C10orf71: variants seen among roughly 807,000 people sequenced by gnomAD.
C10orf71 encodes the protein cardiac-enriched FHL2-interacting protein.
For missense variants in C10orf71, 1,869 were observed against 1,804.5 expected, an observed-to-expected ratio of 1.04 and a Z score of -0.65; for synonymous variants, 758 against 726.3, an observed-to-expected ratio of 1.04 and a Z score of -0.70.
At position 49,324,357 on chromosome 10, in the gene C10orf71, C is replaced by T. The variant is rs1849171887; in HGVS notation, c.1812C>T (p.Val604=). The T allele has an allele frequency of 1.2e-6, 2 of 1,613,806 alleles. No homozygotes were observed. The highest frequency in any genetic ancestry group is 2.7e-5 in the African/African-American group (2 of 75,028). The change falls in exon 3 of 3, where the codon GTC becomes GTT. Residue 604 remains valine (V), a synonymous_variant. Transcript: ENST00000374144. The stretch of plus-strand genomic sequence containing the variant: ...CTATCGCCAAAGCCCCCTTCTATGT[C>T]AATGGGGAGGCTGCTGAGAGAAGCA... ...APTIAKAPFY[V]NGEAAERSSY... is the part of the protein sequence containing the mutation.
chr10:49,310,115 C>T (rs773407320), intron 1 of C10orf71, among the ~76,000 whole-genome samples: 22 of 152,158 alleles, frequency 1.4e-4, no homozygotes, highest in Non-Finnish European at 2.4e-4. Context: ...CAGGGGTGCA[C>T]CTTGGGCCTG....
At position 49,327,180 on chromosome 10, in the gene C10orf71, T is replaced by G; in HGVS notation, c.*327T>G. The G allele has an allele frequency of 1.5e-6, 1 of 651,530 alleles. No homozygotes were observed. Among genetic ancestry groups the G allele is most frequent in the Non-Finnish European group, 2.3e-6 (1 of 430,304 alleles). The allele number at this position is 651,530 out of a possible 1,614,324, so 40.4% of individuals were successfully genotyped here. A position where few individuals can be genotyped will look rare whatever the true frequency, so the allele number is the denominator to read the frequency against. On this transcript the variant is annotated 3_prime_UTR_variant, in exon 3 of 3. Transcript: ENST00000374144. Reference sequence around the variant, plus strand: ...TCTCCTGGCCCACCCTGCTCTTCCCTCGCCCTGCAAATTAGGTGGGTGTGG... The same window carrying G: ...TCTCCTGGCCCACCCTGCTCTTCCCGCGCCCTGCAAATTAGGTGGGTGTGG...
chr10:49,315,786 C>T (rs1446696546), intron 1 of C10orf71, among the ~76,000 whole-genome samples: 6 of 152,328 alleles, frequency 3.9e-5, no homozygotes, highest in African/African-American at 7.2e-5. Flanking sequence ...TCAGGCATGA[C>T]GGTTCACCCC....
chr10:49,318,186 A>G (rs7095573), intron 2 of C10orf71, among the ~76,000 whole-genome samples: 146,867 of 152,324 alleles, frequency 0.96, 71,047 homozygotes, highest in East Asian at 1. Flanking sequence ...GAGACAACAG[A>G]AATTGCTCCT....
rs1057168979 is a variant in C10orf71 at position 49,324,051 on chromosome 10, C to T, written c.1506C>T (p.Asn502=). 9.9e-6 allele frequency: 16 copies of T among 1,613,776 alleles called. No individual in the cohort carries two copies. Among genetic ancestry groups the T allele is most frequent in the Non-Finnish European group, 1.4e-5 (16 of 1,179,862 alleles). The stretch of plus-strand genomic sequence containing the variant: ...CCAAAGCCCCTAGCCTGCTGTTCAA[C>T]CTCAAGGACGTGCGGAAGCGTGTTA... The part of the protein sequence containing the change: ...YKSKAPSLLF[N]LKDVRKRVKS... Residue 502 remains asparagine (N), a synonymous_variant, in exon 3 of 3, where the codon AAC becomes AAT. Transcript: ENST00000374144.
At chr10:49,317,060 T>G (rs1849011315) in intron 2 of C10orf71, among the ~76,000 whole-genome samples, 1 of 152,202 alleles carries the variant, frequency 6.6e-6, no homozygotes, top group East Asian at 1.9e-4. Flanking sequence ...TAATGAAAAC[T>G]ATCTTATTTT....
At position 49,324,278 on chromosome 10, in the gene C10orf71, C is replaced by T. The variant is rs1164993959; in HGVS notation, c.1733C>T (p.Ala578Val). ...ATCAATCCCCAGAAGGACCCTACAG[C>T]TGACCCCAGTGAGCCCTCTGCAGAC... ...SHINPQKDPTADPSEPSADSY... is the reference protein window; with the variant it reads ...SHINPQKDPTVDPSEPSADSY... Residue 578 changes from alanine (A) to valine (V), a missense_variant, in exon 3 of 3, where the codon GCT (alanine) becomes GTT (valine). Physicochemically the swap from Ala to Val is moderately conservative, Grantham distance 64 (BLOSUM62 0). Coordinates refer to ENST00000374144, the MANE Select transcript of C10orf71 (RefSeq NM_001135196.2). 1.2e-6 allele frequency: 2 copies of T among 1,613,836 alleles called. No individual in the cohort carries two copies. The highest frequency in any genetic ancestry group is 2.7e-5 in the African/African-American group (2 of 74,918).
At chr10:49,310,744 G>A (rs550900110) in intron 1 of C10orf71, among the ~76,000 whole-genome samples, 1 of 152,042 alleles carries the variant, frequency 6.6e-6, no homozygotes, top group East Asian at 1.9e-4. Flanking sequence ...TCCACTTTGA[G>A]TGCTAAAAGT....
At position 49,326,526 on chromosome 10, in the gene C10orf71, C is replaced by T. The variant is rs533675981; in HGVS notation, c.3981C>T (p.Ala1327=). 1 of 1,550,454 alleles carries T rather than the reference C, an allele frequency of 6.4e-7. No individual in the cohort carries two copies. Among genetic ancestry groups the T allele is most frequent in the South Asian group, 1.2e-5 (1 of 84,050 alleles). The change falls in exon 3 of 3, where the codon GCC becomes GCT. Residue 1327 remains alanine, a synonymous_variant. Transcript: ENST00000374144. ...CCCCAGAGCCGCCCCCACCGGACGCCCTGGCCGCTCCCTATGTGCTGTACC... is the reference window on the plus strand; with the variant it reads ...CCCCAGAGCCGCCCCCACCGGACGCTCTGGCCGCTCCCTATGTGCTGTACC... ...GASPEPPPPD[A]LAAPYVLYPG...
At chr10:49,307,698 C>T (rs1848839047) in intron 1 of C10orf71, among the ~76,000 whole-genome samples, 1 of 152,228 alleles carries the variant, frequency 6.6e-6, no homozygotes, top group Admixed American at 6.5e-5. Context: ...GCCAGTGCTA[C>T]AAATCCAGTG....
chr10:49,317,300 C>T (rs192611379), intron 2 of C10orf71, among the ~76,000 whole-genome samples: 8 of 152,330 alleles, frequency 5.3e-5, no homozygotes, highest in African/African-American at 1.9e-4. Flanking sequence ...CTTAGCAGTG[C>T]TGGCCAGGAC....
intron 2 of C10orf71, among the ~76,000 whole-genome samples, chr10:49,318,563 CA>C (rs1316189129): frequency 6.6e-6 from 1 of 152,240 alleles, no homozygotes; most frequent in Non-Finnish European, 1.5e-5. Flanking sequence ...ATCCTTTCTC[CA>C]GCTTAGTTCT....
Position 49,322,814 on chromosome 10 carries a change from C to T in C10orf71, c.269C>T (p.Thr90Met), listed in dbSNP as rs199973893. The part of the protein sequence containing the change: ...GIWSQLPSQG[T>M]EHSGWAATFQ... ...TGGAGCCAGTTACCGTCACAGGGCA[C>T]GGAACATTCGGGCTGGGCGGCCACC... Residue 90 changes from threonine (T) to methionine (M), a missense_variant, in exon 3 of 3, where the codon ACG becomes ATG. By Grantham distance (81) the Thr-to-Met change is moderately conservative (BLOSUM62 -1). Coordinates refer to ENST00000374144, the MANE Select transcript of C10orf71 (RefSeq NM_001135196.2). The T allele has an allele frequency of 9.0e-5, 145 of 1,613,890 alleles. No homozygotes were observed. Among genetic ancestry groups the T allele is most frequent in the African/African-American group, 3.3e-4 (25 of 75,034 alleles).
chr10:49,300,624 G>A (rs1029832576), intron 1 of C10orf71, among the ~76,000 whole-genome samples: 1 of 152,148 alleles, frequency 6.6e-6, no homozygotes, highest in Non-Finnish European at 1.5e-5. Context: ...TGCTGTCACG[G>A]TGCTGGGAGG....
chr10:49,322,797 G>T lies in C10orf71; in HGVS notation c.252G>T (p.Gln84His). The T allele has an allele frequency of 1.2e-6, 2 of 1,613,782 alleles. No homozygotes were observed. The highest frequency in any genetic ancestry group is 1.7e-6 in the Non-Finnish European group (2 of 1,179,718). Reference protein sequence around the residue: ...HTQRKSGIWSQLPSQGTEHSG... With the variant: ...HTQRKSGIWSHLPSQGTEHSG... ...AGAGGAAAAGTGGCATTTGGAGCCA[G>T]TTACCGTCACAGGGCACGGAACATT... is the stretch of plus-strand genomic sequence containing the variant. Residue 84 changes from glutamine to histidine, a missense_variant, in exon 3 of 3, where the codon CAG becomes CAT. By Grantham distance (24) the Gln-to-His change is conservative (BLOSUM62 0). Coordinates refer to ENST00000374144, the MANE Select transcript of C10orf71 (RefSeq NM_001135196.2).
intron 2 of C10orf71, among the ~76,000 whole-genome samples, chr10:49,321,645 T>C (rs7908002): frequency 0.4 from 60,512 of 152,072 alleles, 12,640 homozygotes; most frequent in Non-Finnish European, 0.47. Context: ...CCAAAGTGAC[T>C]ACATCAATTT....
chr10:49,326,618 C>T lies in C10orf71; in HGVS notation c.4073C>T (p.Pro1358Leu). 6.5e-7 allele frequency: 1 copy of T among 1,550,310 alleles called. No individual in the cohort carries two copies. The highest frequency in any genetic ancestry group is 8.7e-7 in the Non-Finnish European group (1 of 1,146,866). ...PLRCSSQLSA[P>L]TFLRQGPRAS... Reference sequence around the variant, plus strand: ...CGCTGCTCCTCTCAGCTCTCCGCGCCCACCTTCCTCAGGCAGGGCCCTCGT... The same window carrying T: ...CGCTGCTCCTCTCAGCTCTCCGCGCTCACCTTCCTCAGGCAGGGCCCTCGT... The change falls in exon 3 of 3, where the codon CCC becomes CTC. Residue 1358 changes from proline (P) to leucine (L), a missense_variant. Pro to Leu is a moderately conservative substitution (Grantham distance 98). Coordinates refer to ENST00000374144, the MANE Select transcript of C10orf71 (RefSeq NM_001135196.2).
At chr10:49,318,711 C>G (rs113395465) in intron 2 of C10orf71, among the ~76,000 whole-genome samples, 1 of 152,236 alleles carries the variant, frequency 6.6e-6, no homozygotes, top group Non-Finnish European at 1.5e-5. Context: ...ACTGACAGCC[C>G]AGCAGCTTTG....
chr10:49,305,310 C>A (rs977414419), intron 1 of C10orf71, among the ~76,000 whole-genome samples: 12 of 152,220 alleles, frequency 7.9e-5, no homozygotes, highest in African/African-American at 2.9e-4. Context: ...CTAGAGGAGG[C>A]TCTCTAAAGA....
Sources: allele counts gnomAD v4.1 joint callset (sites outside exome capture counted in the v4.1 genomes callset), GRCh38; gene constraint gnomAD v4.1.1; transcripts MANE v1.5; gene names NCBI Gene and HGNC (gene_info 2026-07-23, HGNC 2026-07-21).